KIF15: variants seen among roughly 807,000 people sequenced by gnomAD.
KIF15 encodes the protein kinesin family member 15, also known as kinesin-like protein KIF15.
A neutral mutation model predicts 190.6 loss-of-function variants in KIF15; 140 were observed. That is an observed-to-expected ratio of 0.73 (90% confidence interval 0.64 to 0.84). The LOEUF (loss-of-function observed/expected upper bound fraction) is 0.84, where lower values mean the gene tolerates loss of function less well. Among genes scored for constraint, KIF15 ranks in the 40% least tolerant of loss-of-function variants. The probability of loss-of-function intolerance (pLI) is 0.00; values close to 1 mark genes in which losing one functional copy is unlikely to be tolerated. For missense variants in KIF15, 1,372 were observed against 1,584.4 expected, an observed-to-expected ratio of 0.87 and a Z score of 2.28; for synonymous variants, 528 against 551.3, an observed-to-expected ratio of 0.96 and a Z score of 0.59.
In KIF15 at chr3:44,794,240, T is replaced by TA; in HGVS notation, c.664dup (p.Arg222LysfsTer14). On this transcript the variant is annotated frameshift_variant, in exon 8 of 35. Coordinates refer to ENST00000326047, the MANE Select transcript of KIF15 (RefSeq NM_020242.3). LOFTEE classifies it high-confidence loss of function. ...AGGTGTTGTCTGGAGGATGGAGGAA[T>TA]AGACGTGTGGCATCAACATCAATGA... 1 of 1,613,862 alleles carries TA rather than the reference T, an allele frequency of 6.2e-7. No individual in the cohort carries two copies. The highest frequency in any genetic ancestry group is 8.5e-7 in the Non-Finnish European group (1 of 1,179,884).
chr3:44,851,780 C>A lies in KIF15; in HGVS notation c.3807-7C>A, dbSNP rs1384348443. ...AAATACTATAAAGTGATAACCTATTCCTACAGCCTAGAAGAAGTCCAAAGT... is the reference window on the plus strand; with the variant it reads ...AAATACTATAAAGTGATAACCTATTACTACAGCCTAGAAGAAGTCCAAAGT... On this transcript the variant is annotated splice_region_variant and splice_polypyrimidine_tract_variant and intron_variant, in intron 32 of 34. Coordinates refer to ENST00000326047, the MANE Select transcript of KIF15 (RefSeq NM_020242.3). 3.7e-6 allele frequency: 6 copies of A among 1,602,790 alleles called. No homozygotes were observed. In the East Asian group the frequency reaches 6.7e-5, roughly 18 times the overall value.
intron 7 of KIF15, among the ~76,000 whole-genome samples, chr3:44,793,521 T>A (rs929828838): frequency 3.3e-5 from 5 of 152,208 alleles, no homozygotes; most frequent in Admixed American, 2.6e-4. Context: ...GTTCTGTTTC[T>A]GTAATGTGGA....
At chr3:44,782,679 G>C (rs1034357101) in intron 5 of KIF15, among the ~76,000 whole-genome samples, 5 of 152,176 alleles carry the variant, frequency 3.3e-5, no homozygotes, top group Admixed American at 2.0e-4. Context: ...TATTTTAGGT[G>C]GTGGGTCAGG....
At chr3:44,807,215 A>T (rs574299846) in intron 16 of KIF15, among the ~76,000 whole-genome samples, 2 of 152,076 alleles carry the variant, frequency 1.3e-5, no homozygotes, top group Admixed American at 1.3e-4. Flanking sequence ...TATGTGACTG[A>T]AATTTCCTTT....
At chr3:44,769,687 T>C (rs554982969) in intron 1 of KIF15, among the ~76,000 whole-genome samples, 1 of 152,268 alleles carries the variant, frequency 6.6e-6, no homozygotes, top group Non-Finnish European at 1.5e-5. Context: ...TTTTTTTTCT[T>C]AGGGCTTTGA....
chr3:44,846,683 A>G (rs148038353), intron 30 of KIF15, among the ~76,000 whole-genome samples: 2,894 of 150,828 alleles, frequency 0.019, 32 homozygotes, highest in Non-Finnish European at 0.033. Context: ...CTGAGGCAGG[A>G]GAATCGCTTG....
rs1162822328 is a variant in KIF15 at position 44,786,585 on chromosome 3, A to T, written c.639+11A>T. ...GCTGAAGCCTATCAGGTACCCTGCC[A>T]TGAGTACTTAATTGGTGCTTAGGCA... On this transcript the variant is annotated intron_variant, in intron 7 of 34. Coordinates refer to ENST00000326047, the MANE Select transcript of KIF15 (RefSeq NM_020242.3). The T allele has an allele frequency of 1.2e-6, 2 of 1,600,956 alleles. No homozygotes were observed. Among genetic ancestry groups the T allele is most frequent in the East Asian group, 2.2e-5 (1 of 44,580 alleles).
chr3:44,768,297 A>G (rs951622180), intron 1 of KIF15, among the ~76,000 whole-genome samples: 5 of 151,594 alleles, frequency 3.3e-5, no homozygotes, highest in Non-Finnish European at 7.4e-5. Context: ...AGAAAAGAAA[A>G]AAAAAACCAC....
At position 44,826,048 on chromosome 3, in the gene KIF15, C is replaced by T. The variant is rs146760782; in HGVS notation, c.2559C>T (p.Asn853=). Residue 853 remains asparagine, a synonymous_variant, in exon 21 of 35, where the codon AAC becomes AAT. Coordinates refer to ENST00000326047, the MANE Select transcript of KIF15 (RefSeq NM_020242.3). ...QLQLDNLRLE[N]EKLLESKACL... ...TGTTTTCCTTATAAAGGTTAGAAAA[C>T]GAAAAGCTGCTTGAGAGCAAAGCCT... 1.3e-5 allele frequency: 20 copies of T among 1,580,014 alleles called. No homozygotes were observed. The highest frequency in any genetic ancestry group is 3.6e-5 in the South Asian group (3 of 83,802).
intron 14 of KIF15, 102 bp from the exon 15 acceptor site, chr3:44,804,925 A>G: frequency 2.4e-6 from 3 of 1,248,650 alleles, no homozygotes; most frequent in Non-Finnish European, 3.3e-6. Context: ...GTACACTATG[A>G]TCATGCTTGT....
intron 14 of KIF15, 75 bp downstream of exon 14, chr3:44,803,066 C>T: frequency 2.2e-6 from 3 of 1,337,264 alleles, no homozygotes. Flanking sequence ...TGCCTTGTGA[C>T]TAGGGTCTTC....
chr3:44,819,676 A>G (rs1708178132), intron 20 of KIF15, among the ~76,000 whole-genome samples: 1 of 152,104 alleles, frequency 6.6e-6, no homozygotes, highest in Admixed American at 6.5e-5. Context: ...TATGTGGTCA[A>G]TTTTGGAATA....
intron 17 of KIF15, among the ~76,000 whole-genome samples, chr3:44,811,324 A>G (rs1469232874): frequency 6.6e-6 from 1 of 152,192 alleles, no homozygotes; most frequent in Non-Finnish European, 1.5e-5. Flanking sequence ...GAACTGGTTT[A>G]TATAGCAAAG....
At position 44,805,065 on chromosome 3, in the gene KIF15, T is replaced by C. The variant is rs1400903388; in HGVS notation, c.1726T>C (p.Cys576Arg). The change falls in exon 15 of 35, where the codon TGT (cysteine) becomes CGT (arginine). Residue 576 changes from cysteine to arginine, a missense_variant. Cys to Arg is a radical substitution (Grantham distance 180, BLOSUM62 -3). Coordinates refer to ENST00000326047, the MANE Select transcript of KIF15 (RefSeq NM_020242.3). Reference sequence around the variant, plus strand: ...TTCACCTAAAGCTCAGAAAGAGCCATGTTTGTTTGCAAACACTGAGAAGTT... The same window carrying C: ...TTCACCTAAAGCTCAGAAAGAGCCACGTTTGTTTGCAAACACTGAGAAGTT... ...GFSPKAQKEP[C>R]LFANTEKLKA... 4 of 1,613,526 alleles carry C rather than the reference T, an allele frequency of 2.5e-6. No homozygotes were observed. Among genetic ancestry groups the C allele is most frequent in the Non-Finnish European group, 3.4e-6 (4 of 1,179,898 alleles).
At chr3:44,776,252 T>C (rs116526592) in intron 3 of KIF15, among the ~76,000 whole-genome samples, 3,004 of 151,010 alleles carry the variant, frequency 0.02, 82 homozygotes, top group African/African-American at 0.064. Context: ...TTTTTTTTTT[T>C]CCCCCCACTA....
chr3:44,857,657 G>A (rs573151649), downstream of KIF15, among the ~76,000 whole-genome samples: 3 of 152,264 alleles, frequency 2.0e-5, no homozygotes, highest in South Asian at 2.1e-4. Flanking sequence ...TTTATTTAAC[G>A]GTTTTGTTAG....
At chr3:44,850,272 C>T (rs1448709047) in intron 32 of KIF15, among the ~76,000 whole-genome samples, 1 of 152,110 alleles carries the variant, frequency 6.6e-6, no homozygotes, top group Non-Finnish European at 1.5e-5. Context: ...GGAAAACAGC[C>T]TTTTCACCTG....
At chr3:44,784,796 ACT>A in intron 5 of KIF15, 47 bp from the exon 6 acceptor site, 1 of 969,454 alleles carries the variant, frequency 1.0e-6, no homozygotes, top group African/African-American at 1.7e-5. Context: ...ATTTTGAAAG[ACT>A]CTTGGAATAG....
At chr3:44,775,807 C>T (rs1303880704) in intron 3 of KIF15, among the ~76,000 whole-genome samples, 1 of 151,602 alleles carries the variant, frequency 6.6e-6, no homozygotes, top group Non-Finnish European at 1.5e-5. Flanking sequence ...CTTGGCCAGG[C>T]GTGGTGGCTC....
Sources: gnomAD v4.1 joint callset for allele counts (sites outside exome capture counted in the v4.1 genomes callset) on GRCh38, gnomAD v4.1.1 for gene constraint, MANE v1.5 for transcripts, NCBI Gene and HGNC (gene_info 2026-07-23, HGNC 2026-07-21) for gene names.